The following GATAD1 variants were observed in gnomAD, a reference collection of about 807,000 sequenced individuals.
GATAD1 encodes the protein GATA zinc finger domain containing 1.
GATAD1 carries 12 observed loss-of-function variants against 26.5 expected under a neutral mutation model. The ratio of observed to expected loss-of-function variants is 0.45; its 90% confidence interval spans 0.29 to 0.73. The LOEUF (loss-of-function observed/expected upper bound fraction) is 0.73. GATAD1 is among the 30% of genes least tolerant of loss of function. The pLI, the probability that GATAD1 is intolerant of heterozygous loss-of-function variation, is 0.10. For synonymous variants in GATAD1, 129 were observed against 133.1 expected (o/e 0.97, Z 0.21); for missense variants, 266 against 342.1 (o/e 0.78, Z 1.75).
chr7:92,479,995 C>T, the GATAD1 span, among the ~76,000 whole-genome samples: 10 of 152,042 alleles, frequency 6.6e-5, no homozygotes, highest in Admixed American at 4.6e-4. Flanking sequence ...AGCTTGGTTG[C>T]GAGTTTTTGG....
the GATAD1 span, among the ~76,000 whole-genome samples, chr7:92,482,252 T>C: frequency 7.2e-5 from 11 of 151,946 alleles, no homozygotes; most frequent in Admixed American, 2.6e-4. Flanking sequence ...TGCAGGGGAA[T>C]AGTGAAAAAA....
chr7:92,481,439 G>A, the GATAD1 span, among the ~76,000 whole-genome samples: 1 of 152,210 alleles, frequency 6.6e-6, no homozygotes, highest in Admixed American at 6.5e-5. Flanking sequence ...AGTGAGTTGA[G>A]CATAGTTTGT....
the GATAD1 span, chr7:92,494,690 C>A: frequency 7.5e-7 from 1 of 1,328,416 alleles, no homozygotes; most frequent in South Asian, 1.2e-5. Flanking sequence ...AAAGTGATTT[C>A]ATATACATAT....
downstream of GATAD1, among the ~76,000 whole-genome samples, chr7:92,464,229 C>T: frequency 6.6e-6 from 1 of 152,134 alleles, no homozygotes; most frequent in Non-Finnish European, 1.5e-5. Flanking sequence ...TGGAGATTTG[C>T]ATGTGATGTG....
At chr7:92,486,709 C>G in the GATAD1 span, among the ~76,000 whole-genome samples, 24 of 152,168 alleles carry the variant, frequency 1.6e-4, no homozygotes, top group Non-Finnish European at 2.9e-5. Flanking sequence ...GTTGCCCAGG[C>G]TTACTTGTAT....
the GATAD1 span, among the ~76,000 whole-genome samples, chr7:92,486,816 A>ATAATT: frequency 1.3e-5 from 2 of 152,230 alleles, no homozygotes; most frequent in South Asian, 4.1e-4. Flanking sequence ...GGCTAACTTT[A>ATAATT]TAATTTAGTT....
At chr7:92,449,175 G>T (rs1441653680) in intron 2 of GATAD1, 30 of 1,065,078 alleles carry the variant, frequency 2.8e-5, no homozygotes, top group Non-Finnish European at 3.4e-5. Flanking sequence ...GTTCTCTATG[G>T]AAAGGAAGAG....
chr7:92,492,905 T>A, the GATAD1 span: 1 of 1,413,662 alleles, frequency 7.1e-7, no homozygotes, highest in Non-Finnish European at 1.0e-6. Context: ...ACATTGTACT[T>A]CTTTTATCAC....
the GATAD1 span, chr7:92,489,350 G>A: frequency 1.9e-6 from 3 of 1,611,978 alleles, no homozygotes; most frequent in African/African-American, 1.3e-5. Flanking sequence ...GTGACCAAGT[G>A]CAGTCATTAA....
chr7:92,481,468 A>G, the GATAD1 span, among the ~76,000 whole-genome samples: 1 of 152,190 alleles, frequency 6.6e-6, no homozygotes, highest in Non-Finnish European at 1.5e-5. Context: ...GGGCCTCTAA[A>G]AGTATTAGGG....
At chr7:92,454,438 T>A in intron 3 of GATAD1, 64 bp from the exon 4 acceptor site, 1 of 1,245,094 alleles carries the variant, frequency 8.0e-7, no homozygotes, top group Non-Finnish European at 1.2e-6. Context: ...CCTATTAAGG[T>A]TCATTCATAG....
rs1789691461 is a variant in GATAD1 at position 92,456,748 on chromosome 7, A to T, written c.*186A>T. 1 of 461,898 alleles carries T rather than the reference A, an allele frequency of 2.2e-6. No homozygotes were observed. The highest frequency in any genetic ancestry group is 4.0e-5 in the Admixed American group (1 of 25,290). The allele number at this position is 461,898 out of a possible 1,614,324, so 28.6% of individuals were successfully genotyped here. A position where few individuals can be genotyped will look rare whatever the true frequency, so the allele number is the denominator to read the frequency against. On this transcript the variant is annotated 3_prime_UTR_variant, in exon 5 of 5. Transcript: ENST00000287957. ...CACAAGATATGTCATAGGTATCTTT[A>T]AATGAAATTCTTAGCTGGAAAAGTG...
At chr7:92,491,551 T>G in the GATAD1 span, 1 of 1,123,430 alleles carries the variant, frequency 8.9e-7, no homozygotes, top group Non-Finnish European at 1.4e-6. Flanking sequence ...ACAATTTTAG[T>G]CTCAGAAATA....
At chr7:92,494,701 A>G in the GATAD1 span, 2 of 1,203,874 alleles carry the variant, frequency 1.7e-6, no homozygotes, top group Admixed American at 1.8e-5. Context: ...ATATACATAT[A>G]TGAATGTATT....
the GATAD1 span, chr7:92,489,966 CTA>C: frequency 3.8e-6 from 5 of 1,313,646 alleles, no homozygotes; most frequent in South Asian, 4.8e-5. Flanking sequence ...AGAGAAAAAA[CTA>C]TGTGTTTACC....
At chr7:92,449,677 T>TA (rs529097847) in intron 2 of GATAD1, 911 of 895,214 alleles carry the variant, frequency 1.0e-3, no homozygotes, top group Admixed American at 1.5e-3. Flanking sequence ...TATTTTCTTT[T>TA]TTTTTTTTTA....
chr7:92,488,129 G>GTAGT, the GATAD1 span, among the ~76,000 whole-genome samples: 15 of 152,158 alleles, frequency 9.9e-5, no homozygotes, highest in African/African-American at 3.4e-4. Context: ...AAACAATAAA[G>GTAGT]TAGTTAACAT....
the GATAD1 span, among the ~76,000 whole-genome samples, chr7:92,486,399 A>AGAC: frequency 1.3e-5 from 2 of 152,238 alleles, no homozygotes; most frequent in African/African-American, 4.8e-5. Flanking sequence ...GCTATCCCAT[A>AGAC]GACATTGCTT....
chr7:92,466,600 A>G, the GATAD1 span, among the ~76,000 whole-genome samples: 1 of 152,252 alleles, frequency 6.6e-6, no homozygotes, highest in African/African-American at 2.4e-5. Flanking sequence ...TTAAATGAGA[A>G]TGTGATGCAC....
Sources: allele counts gnomAD v4.1 joint callset (sites outside exome capture counted in the v4.1 genomes callset), GRCh38; gene constraint gnomAD v4.1.1; transcripts MANE v1.5; gene names NCBI Gene and HGNC (gene_info 2026-07-23, HGNC 2026-07-21).